C19orf47: variants seen among roughly 807,000 people sequenced by gnomAD.
C19orf47 encodes uncharacterized protein C19orf47.
C19orf47 carries 18 observed loss-of-function variants against 32.3 expected under a neutral mutation model. The observed-to-expected ratio is 0.56, with a 90% CI of 0.39 to 0.83. The LOEUF is 0.83. Ranked by LOEUF, C19orf47 falls within the 40% of genes least tolerant of loss-of-function variation. The pLI is 0.00. For synonymous variants in C19orf47, 202 were observed against 211.1 expected (o/e 0.96, Z 0.37); for missense variants, 484 against 531.6 (o/e 0.91, Z 0.88).
the C19orf47 span, among the ~76,000 whole-genome samples, chr19:40,303,426 G>A: frequency 1.3e-5 from 2 of 151,508 alleles, no homozygotes; most frequent in South Asian, 2.1e-4. Context: ...GGGAGGCTGA[G>A]GCAGGAGAAT....
intron 4 of C19orf47, chr19:40,334,777 G>C (rs1177747578): frequency 1.3e-5 from 2 of 151,692 alleles, no homozygotes; most frequent in African/African-American, 4.9e-5. Context: ...CCAGGCACAG[G>C]GGCACATGCC....
intron 5 of C19orf47, among the ~76,000 whole-genome samples, chr19:40,332,182 ACT>A (rs992032690): frequency 3.5e-5 from 5 of 144,476 alleles, no homozygotes; most frequent in Non-Finnish European, 3.0e-5. Context: ...ATGTGGCAAA[ACT>A]CTGTCTCTAC....
intron 1 of C19orf47, among the ~76,000 whole-genome samples, chr19:40,346,440 CTCAA>C (rs1417343232): frequency 4.1e-4 from 39 of 96,180 alleles, no homozygotes; most frequent in African/African-American, 1.5e-3. Flanking sequence ...GAGACCTTGT[CTCAA>C]ATAAATAAAT....
intron 5 of C19orf47, 79 bp downstream of exon 5, chr19:40,333,772 G>T: frequency 1.7e-6 from 2 of 1,167,708 alleles, no homozygotes; most frequent in Non-Finnish European, 2.4e-6. Flanking sequence ...TACAGGCGGG[G>T]ATGGGATGGC....
chr19:40,328,599 G>T, intron 5 of C19orf47, 49 bp from the exon 6 acceptor site: 1 of 1,560,934 alleles, frequency 6.4e-7, no homozygotes, highest in Non-Finnish European at 8.6e-7. Flanking sequence ...TGGAAGACAG[G>T]CCTCAATCCA....
At chr19:40,330,425 G>C (rs536101691) in intron 5 of C19orf47, among the ~76,000 whole-genome samples, 1 of 151,074 alleles carries the variant, frequency 6.6e-6, no homozygotes, top group Admixed American at 6.6e-5. Flanking sequence ...TAGAGATGGG[G>C]TTTCACCATG....
the C19orf47 span, among the ~76,000 whole-genome samples, chr19:40,310,283 T>C: frequency 6.6e-6 from 1 of 151,312 alleles, no homozygotes. Context: ...ACATGTATAA[T>C]CCCAGTGCTT....
chr19:40,322,515 A>T, intron 8 of C19orf47, 139 bp from the exon 9 acceptor site: 9 of 1,151,484 alleles, frequency 7.8e-6, no homozygotes, highest in Non-Finnish European at 1.1e-5. Flanking sequence ...GATAGTGGCG[A>T]GAGCCATGAT....
downstream of C19orf47, among the ~76,000 whole-genome samples, chr19:40,317,270 C>A (rs1052896801): frequency 1.3e-5 from 2 of 152,024 alleles, no homozygotes; most frequent in African/African-American, 4.8e-5. Context: ...ATCCACCAAA[C>A]GTGGCTGTGA....
At chr19:40,315,330 C>T (rs1021224164), downstream of C19orf47, among the ~76,000 whole-genome samples, 1 of 152,182 alleles carries the variant, frequency 6.6e-6, no homozygotes, top group African/African-American at 2.4e-5. Flanking sequence ...GCACTATCTT[C>T]TCAATTTTTT....
intron 1 of C19orf47, 73 bp downstream of exon 1, chr19:40,348,251 A>C: frequency 1.9e-6 from 2 of 1,056,332 alleles, no homozygotes; most frequent in Non-Finnish European, 2.5e-6. Flanking sequence ...GCCCGAACTG[A>C]GTCCAGACAC....
At chr19:40,310,569 C>T in the C19orf47 span, among the ~76,000 whole-genome samples, 17 of 152,176 alleles carry the variant, frequency 1.1e-4, no homozygotes, top group South Asian at 8.3e-4. Flanking sequence ...TGTGAGCCAC[C>T]GCACCCAGCC....
At chr19:40,348,426 C>T, upstream of C19orf47, 2 of 1,497,228 alleles carry the variant, frequency 1.3e-6, no homozygotes, top group Non-Finnish European at 8.8e-7. Context: ...GCCCCGGAAG[C>T]ATCCTCTCAC....
At chr19:40,324,396 G>C (rs1371190402) in intron 7 of C19orf47, 1 of 399,666 alleles carries the variant, frequency 2.5e-6, no homozygotes, top group African/African-American at 2.0e-5. Flanking sequence ...GGACCTCTGA[G>C]AGAATCTGAT....
At chr19:40,295,752 G>A in the C19orf47 span, among the ~76,000 whole-genome samples, 3 of 148,796 alleles carry the variant, frequency 2.0e-5, no homozygotes, top group East Asian at 2.0e-4. Context: ...ATTTATTTAC[G>A]TATTTATTTA....
intron 8 of C19orf47, among the ~76,000 whole-genome samples, chr19:40,323,444 C>A (rs532013225): frequency 1.3e-4 from 20 of 152,310 alleles, no homozygotes; most frequent in Non-Finnish European, 2.8e-4. Flanking sequence ...AGGCCTGGGG[C>A]CTGTGGGACT....
At chr19:40,338,532 G>A (rs773915979) in intron 2 of C19orf47, among the ~76,000 whole-genome samples, 4 of 151,900 alleles carry the variant, frequency 2.6e-5, no homozygotes, top group South Asian at 2.1e-4. Context: ...TTACAGCCAC[G>A]CGCCACCATG....
chr19:40,326,265 C>T (rs185041528), intron 7 of C19orf47, 69 bp downstream of exon 7: 86 of 1,584,734 alleles, frequency 5.4e-5, no homozygotes, highest in African/African-American at 1.2e-4. Flanking sequence ...TAGGATATGA[C>T]GGGCCCTGTG....
Position 40,338,270 on chromosome 19 carries a change from C to T in C19orf47, c.20-1863G>A, listed in dbSNP as rs868763451. On this transcript the variant is annotated intron_variant, in intron 2 of 8. Transcript: ENST00000683109. Reference sequence around the variant, plus strand: ...TTGTATATATATACATATATATACACACACACACACACACACACACAAATA... The same window carrying T: ...TTGTATATATATACATATATATACATACACACACACACACACACACAAATA... Among the ~76,000 whole-genome samples, 1,397 of 145,362 alleles carry T rather than the reference C, an allele frequency of 9.6e-3. 16 individuals carry two copies. The highest frequency in any genetic ancestry group is 7.4e-3 in the Non-Finnish European group (484 of 65,580).
Sources: allele counts gnomAD v4.1 joint callset (sites outside exome capture counted in the v4.1 genomes callset), GRCh38; gene constraint gnomAD v4.1.1; transcripts MANE v1.5; gene names NCBI Gene and HGNC (gene_info 2026-07-23, HGNC 2026-07-21).